SETX: variants seen among roughly 807,000 people sequenced by gnomAD.
SETX encodes helicase senataxin.
A neutral mutation model predicts 227.2 loss-of-function variants in SETX; 90 were observed. The observed-to-expected ratio is 0.40, with a 90% CI of 0.33 to 0.47. The LOEUF (loss-of-function observed/expected upper bound fraction) is 0.47, where lower values mean the gene tolerates loss of function less well. SETX is among the 20% of genes least tolerant of loss of function. The pLI is 0.91. For missense variants in SETX, 3,052 were observed against 3,181.5 expected (o/e 0.96, Z 0.98); for synonymous variants, 1,210 against 1,113.2 (o/e 1.09, Z -1.73).
chr9:132,315,917 G>A (rs1219662702), intron 10 of SETX, among the ~76,000 whole-genome samples: 4 of 152,300 alleles, frequency 2.6e-5, no homozygotes, highest in Middle Eastern at 6.8e-3. Flanking sequence ...AAATCCAGAA[G>A]GGGGGTGTGT....
Position 132,329,749 on chromosome 9 carries a change from C to T in SETX, c.1849G>A (p.Ala617Thr), listed in dbSNP as rs192928196. The T allele has an allele frequency of 5.6e-6, 9 of 1,614,056 alleles. No individual in the cohort carries two copies. The Admixed American group carries it at 1.2e-4, about 21-fold the overall frequency. ...TCACTTTCTTCTTTATTATAAGATG[C>T]AGGAGAGATTTTACATGCAGAAGTC... ...DLTSACKISPASYNKEESEQM... is the reference protein window; with the variant it reads ...DLTSACKISPTSYNKEESEQM... The change falls in exon 10 of 26, where the codon GCA becomes ACA. Residue 617 changes from alanine (A) to threonine (T), a missense_variant. Ala to Thr is a moderately conservative substitution (Grantham distance 58). Transcript: ENST00000224140.
intron 2 of SETX, among the ~76,000 whole-genome samples, chr9:132,349,689 T>C (rs1455838931): frequency 1.3e-5 from 2 of 152,190 alleles, no homozygotes; most frequent in African/African-American, 2.4e-5. Context: ...CATAAAGTTG[T>C]GCTACAGAGA....
chr9:132,287,966 G>A (rs1056326332), intron 17 of SETX, among the ~76,000 whole-genome samples: 1 of 152,188 alleles, frequency 6.6e-6, no homozygotes, highest in Non-Finnish European at 1.5e-5. Flanking sequence ...CTTGAGGCCG[G>A]GAGTTCGAGA....
chr9:132,351,573 T>C (rs1204063677), intron 2 of SETX, among the ~76,000 whole-genome samples: 1 of 152,198 alleles, frequency 6.6e-6, no homozygotes, highest in Non-Finnish European at 1.5e-5. Context: ...TAACGGAGAA[T>C]ACTGCTGCAG....
chr9:132,286,373 T>C (rs750172267), intron 18 of SETX, 50 bp downstream of exon 18: 1 of 1,375,176 alleles, frequency 7.3e-7, no homozygotes, highest in African/African-American at 1.6e-5. Context: ...ACTTAAATTT[T>C]AAAAAGAAAA....
At chr9:132,304,828 T>C (rs564860456) in intron 11 of SETX, among the ~76,000 whole-genome samples, 1 of 151,414 alleles carries the variant, frequency 6.6e-6, no homozygotes, top group Non-Finnish European at 1.5e-5. Flanking sequence ...CAAATCCCCA[T>C]CTCGATTAAA....
intron 10 of SETX, among the ~76,000 whole-genome samples, chr9:132,325,204 A>C (rs1383941677): frequency 6.6e-6 from 1 of 152,084 alleles, no homozygotes; most frequent in Non-Finnish European, 1.5e-5. Flanking sequence ...AAAATACAAA[A>C]AATTAGCCGG....
Position 132,346,358 on chromosome 9 carries a change from T to C in SETX, c.291A>G (p.Pro97=), listed in dbSNP as rs1310535746. The C allele has an allele frequency of 1.2e-6, 2 of 1,613,928 alleles. No homozygotes were observed. The highest frequency in any genetic ancestry group is 1.7e-6 in the Non-Finnish European group (2 of 1,179,834). The part of the protein sequence containing the change: ...LYIVDNNGEM[P]LFDITGQDFE... ...AGTCTTGCCCAGTGATGTCAAACAG[T>C]GGCATCTCTCCATTATTGTCTACTA... Residue 97 remains proline (P), a synonymous_variant, in exon 4 of 26, where the codon CCA becomes CCG. Transcript: ENST00000224140.
intron 15 of SETX, among the ~76,000 whole-genome samples, 188 bp from the exon 16 acceptor site, chr9:132,288,839 C>G (rs998770619): frequency 1.4e-4 from 21 of 152,148 alleles, no homozygotes; most frequent in Non-Finnish European, 5.9e-5. Flanking sequence ...GATATTGTTC[C>G]TAACAATCCT....
chr9:132,300,997 G>A (rs1844961207), intron 11 of SETX, among the ~76,000 whole-genome samples, 194 bp from the exon 12 acceptor site: 2 of 150,638 alleles, frequency 1.3e-5, no homozygotes, highest in African/African-American at 4.9e-5. Context: ...ATAGAATATA[G>A]TTTTCTTCAA....
chr9:132,345,976 G>A (rs1022474842), intron 4 of SETX, among the ~76,000 whole-genome samples: 9 of 152,058 alleles, frequency 5.9e-5, no homozygotes, highest in Non-Finnish European at 1.3e-4. Flanking sequence ...CCATGACTGC[G>A]CCACTGCACT....
rs757029680 is a variant in SETX, at chr9:132,283,225, T to A, written c.6546+39A>T. Reference sequence around the variant, plus strand: ...CAATTCATCTAAGACTTACTCCTCATAGTAGTAGTCAAAGTTGTATGGCTG... The same window carrying A: ...CAATTCATCTAAGACTTACTCCTCAAAGTAGTAGTCAAAGTTGTATGGCTG... On this transcript the variant is annotated intron_variant, in intron 19 of 25. Coordinates refer to ENST00000224140, the MANE Select transcript of SETX (RefSeq NM_015046.7). 5 of 1,612,014 alleles carry A rather than the reference T, an allele frequency of 3.1e-6. No homozygotes were observed. In the Admixed American group the frequency reaches 6.7e-5, roughly 22 times the overall value.
At chr9:132,265,412 A>G (rs1369953895) in intron 25 of SETX, among the ~76,000 whole-genome samples, 1 of 151,838 alleles carries the variant, frequency 6.6e-6, no homozygotes, top group Admixed American at 6.6e-5. Flanking sequence ...TTTTTAGTAG[A>G]GACGGGGTTT....
At chr9:132,291,568 A>T (rs994512630) in intron 15 of SETX, among the ~76,000 whole-genome samples, 1 of 152,174 alleles carries the variant, frequency 6.6e-6, no homozygotes, top group African/African-American at 2.4e-5. Flanking sequence ...AAATTATAAC[A>T]GATATCCTTT....
intron 11 of SETX, among the ~76,000 whole-genome samples, chr9:132,303,973 T>A (rs1040300121): frequency 1.3e-5 from 2 of 152,102 alleles, no homozygotes; most frequent in African/African-American, 4.8e-5. Context: ...AATACAAAAA[T>A]TAGTCAGGCA....
intron 11 of SETX, among the ~76,000 whole-genome samples, chr9:132,306,615 T>C (rs748507960): frequency 6.6e-6 from 1 of 152,228 alleles, no homozygotes; most frequent in Non-Finnish European, 1.5e-5. Context: ...ATTGTATTTC[T>C]TTTTAAGGCT....
rs1848290219 is a variant in SETX, at chr9:132,346,384, T to C, written c.265A>G (p.Ile89Val). The change falls in exon 4 of 26, where the codon ATA becomes GTA. Residue 89 changes from isoleucine to valine, a missense_variant. Ile to Val is a conservative substitution (Grantham distance 29, BLOSUM62 3). Coordinates refer to ENST00000224140, the MANE Select transcript of SETX (RefSeq NM_015046.7). ...AEIGDDDELY[I>V]VDNNGEMPLF... is the part of the protein sequence containing the mutation. ...GGCATCTCTCCATTATTGTCTACTA[T>C]ATATAACTCATCATCATCTCCAATT... 6.2e-7 allele frequency: 1 copy of C among 1,613,780 alleles called. No individual in the cohort carries two copies. The highest frequency in any genetic ancestry group is 1.1e-5 in the South Asian group (1 of 91,076).
chr9:132,303,041 T>C (rs1308388581), intron 11 of SETX, among the ~76,000 whole-genome samples: 6 of 152,136 alleles, frequency 3.9e-5, no homozygotes, highest in Admixed American at 6.6e-5. Context: ...TTTTAGAGAT[T>C]GGGTCTTGTT....
At chr9:132,355,488 A>G (rs1375101918), upstream of SETX, among the ~76,000 whole-genome samples, 2 of 152,216 alleles carry the variant, frequency 1.3e-5, no homozygotes, top group Non-Finnish European at 2.9e-5. Context: ...TATCCTTTAT[A>G]TTACAAGAAA....
Sources: gnomAD v4.1 joint callset for allele counts (sites outside exome capture counted in the v4.1 genomes callset) on GRCh38, gnomAD v4.1.1 for gene constraint, MANE v1.5 for transcripts, NCBI Gene and HGNC (gene_info 2026-07-23, HGNC 2026-07-21) for gene names.